The following ZNF277 variants were observed in gnomAD, a reference collection of about 807,000 sequenced individuals.
ZNF277 encodes nuclear receptor-interacting factor 4.
A neutral mutation model predicts 60.7 loss-of-function variants in ZNF277; 55 were observed. The ratio of observed to expected loss-of-function variants is 0.91; its 90% CI spans 0.73 to 1.13. The LOEUF (loss-of-function observed/expected upper bound fraction) is 1.13. Ranked by LOEUF, ZNF277 falls within the 50% of genes most tolerant of loss-of-function variation. The pLI is 0.00. For missense variants in ZNF277, 510 were observed against 523.0 expected (o/e 0.98, Z 0.24); for synonymous variants, 178 against 179.3 (o/e 0.99, Z 0.06).
intron 1 of ZNF277, among the ~76,000 whole-genome samples, chr7:112,259,616 T>A (rs1791398533): frequency 6.6e-6 from 1 of 152,114 alleles, no homozygotes. Context: ...TTGTTTGCAG[T>A]GTCCAAAAGA....
chr7:112,299,425 A>G (rs777139448), intron 4 of ZNF277, among the ~76,000 whole-genome samples: 1 of 152,186 alleles, frequency 6.6e-6, no homozygotes, highest in Non-Finnish European at 1.5e-5. Context: ...GCTTTTAAGA[A>G]TGTAAACTGG....
chr7:112,304,009 T>C (rs936757383), intron 4 of ZNF277, among the ~76,000 whole-genome samples: 1 of 151,988 alleles, frequency 6.6e-6, no homozygotes, highest in African/African-American at 2.4e-5. Flanking sequence ...GATTTGGGGG[T>C]GTATATCATC....
intron 1 of ZNF277, among the ~76,000 whole-genome samples, chr7:112,217,723 G>T (rs927080120): frequency 1.3e-5 from 2 of 152,156 alleles, no homozygotes; most frequent in Non-Finnish European, 2.9e-5. Context: ...TTAACCACCA[G>T]ATTAAAAATT....
At chr7:112,285,581 C>T (rs1056413482) in intron 1 of ZNF277, among the ~76,000 whole-genome samples, 3 of 151,700 alleles carry the variant, frequency 2.0e-5, no homozygotes, top group African/African-American at 7.3e-5. Context: ...ATGACAGGCA[C>T]ACACTACCAC....
chr7:112,306,877 G>A (rs969705848), intron 4 of ZNF277, among the ~76,000 whole-genome samples: 2 of 151,988 alleles, frequency 1.3e-5, no homozygotes, highest in Non-Finnish European at 1.5e-5. Flanking sequence ...CAAACTGCAG[G>A]TTAGGTTCTC....
intron 11 of ZNF277, among the ~76,000 whole-genome samples, chr7:112,341,443 T>A (rs1020979774): frequency 6.6e-6 from 1 of 152,200 alleles, no homozygotes; most frequent in Non-Finnish European, 1.5e-5. Context: ...ATACTTAGGT[T>A]GTTTCTTACT....
At chr7:112,292,339 C>A (rs1012462853) in intron 2 of ZNF277, among the ~76,000 whole-genome samples, 1 of 152,146 alleles carries the variant, frequency 6.6e-6, no homozygotes. Flanking sequence ...AAAACAGCCC[C>A]AAACAGTTGG....
chr7:112,274,618 T>A (rs1022734691), intron 1 of ZNF277, among the ~76,000 whole-genome samples: 1 of 152,206 alleles, frequency 6.6e-6, no homozygotes, highest in Non-Finnish European at 1.5e-5. Flanking sequence ...AGGGATAATC[T>A]TAGCCCCATA....
At chr7:112,223,175 C>A (rs1270010311) in intron 1 of ZNF277, among the ~76,000 whole-genome samples, 1 of 152,160 alleles carries the variant, frequency 6.6e-6, no homozygotes, top group South Asian at 2.1e-4. Context: ...AGCATGTCTC[C>A]CAGCTGATCC....
intron 1 of ZNF277, among the ~76,000 whole-genome samples, chr7:112,279,637 G>A (rs1202093300): frequency 2.0e-5 from 3 of 151,984 alleles, no homozygotes; most frequent in Non-Finnish European, 2.9e-5. Context: ...CTGCCTAGTC[G>A]AAAATCTTGT....
chr7:112,329,500 G>A (rs748271026), intron 6 of ZNF277, among the ~76,000 whole-genome samples: 4 of 152,096 alleles, frequency 2.6e-5, no homozygotes, highest in Non-Finnish European at 5.9e-5. Flanking sequence ...TAAATACCTA[G>A]CACAGTTCAT....
At chr7:112,244,871 C>T (rs1374264953) in intron 1 of ZNF277, among the ~76,000 whole-genome samples, 2 of 152,148 alleles carry the variant, frequency 1.3e-5, no homozygotes, top group East Asian at 3.9e-4. Context: ...TCATAATATA[C>T]AGTTATTTAT....
chr7:112,229,175 G>A (rs1822256619), intron 1 of ZNF277, among the ~76,000 whole-genome samples: 1 of 152,172 alleles, frequency 6.6e-6, no homozygotes, highest in Non-Finnish European at 1.5e-5. Context: ...AGAGTAACTA[G>A]TACCAATAAC....
chr7:112,329,316 G>A (rs1793172868), intron 6 of ZNF277, among the ~76,000 whole-genome samples: 1 of 152,114 alleles, frequency 6.6e-6, no homozygotes. Context: ...AATACATGTT[G>A]TATCAACTGT....
intron 5 of ZNF277, among the ~76,000 whole-genome samples, chr7:112,321,834 G>C (rs1268251040): frequency 6.6e-6 from 1 of 151,942 alleles, no homozygotes; most frequent in African/African-American, 2.4e-5. Flanking sequence ...CATAATTTCT[G>C]GTGAGAAATC....
intron 1 of ZNF277, among the ~76,000 whole-genome samples, chr7:112,250,279 G>A (rs190617255): frequency 0.019 from 2,843 of 152,026 alleles, 39 homozygotes; most frequent in Non-Finnish European, 0.03. Flanking sequence ...TTGGTCAGAC[G>A]GGTTGATCTC....
chr7:112,232,042 CAT>C (rs67934905), intron 1 of ZNF277, among the ~76,000 whole-genome samples: 1,657 of 132,560 alleles, frequency 0.013, 10 homozygotes, highest in South Asian at 0.015. Context: ...TAAATAAATA[CAT>C]ATATATATAT....
chr7:112,314,007 T>C (rs147613060), intron 4 of ZNF277, among the ~76,000 whole-genome samples: 1,936 of 152,194 alleles, frequency 0.013, 47 homozygotes, highest in African/African-American at 0.045. Flanking sequence ...TGAGTAGAGA[T>C]GGTTGGGACA....
At position 112,336,373 on chromosome 7, in the gene ZNF277, A is replaced by G. The variant is rs527372642; in HGVS notation, c.869+202A>G. 5.9e-5 allele frequency among the ~76,000 whole-genome samples: 9 copies of G among 152,316 alleles called. No individual in the cohort carries two copies. In the East Asian group the frequency reaches 1.7e-3, roughly 29 times the overall value. ...AATTCCTAAAGACACTGTTATTCCA[A>G]CTAAATTAAAGCTATTGATTGAACA... On this transcript the variant is annotated intron_variant, in intron 8 of 11. Transcript: ENST00000361822.
Sources: allele counts gnomAD v4.1 joint callset (sites outside exome capture counted in the v4.1 genomes callset), GRCh38; gene constraint gnomAD v4.1.1; transcripts MANE v1.5; gene names NCBI Gene and HGNC (gene_info 2026-07-23, HGNC 2026-07-21).